Variants in NFIA observed in about 807,000 individuals in gnomAD.
NFIA encodes nuclear factor I A.
A neutral mutation model predicts 62.8 loss-of-function variants in NFIA; 8 were observed. The observed-to-expected ratio is 0.13, with a 90% CI of 0.07 to 0.23. The LOEUF is 0.23. Among genes scored for constraint, NFIA ranks in the 10% least tolerant of loss-of-function variants. The pLI is 1.00. For missense variants in NFIA, 410 were observed against 642.1 expected (o/e 0.64, Z 3.91); for synonymous variants, 235 against 238.1 (o/e 0.99, Z 0.12).
chr1:61,093,349 A>C (rs1646353617), intron 2 of NFIA, among the ~76,000 whole-genome samples: 1 of 152,136 alleles, frequency 6.6e-6, no homozygotes. Flanking sequence ...TATACACAAT[A>C]TACACAATAT....
At chr1:61,392,813 A>G (rs1665047799) in intron 7 of NFIA, among the ~76,000 whole-genome samples, 1 of 152,218 alleles carries the variant, frequency 6.6e-6, no homozygotes, top group African/African-American at 2.4e-5. Flanking sequence ...AGTGCTGAAG[A>G]GAATAGGGTG....
At chr1:61,193,704 A>C (rs928677800) in intron 2 of NFIA, among the ~76,000 whole-genome samples, 1 of 152,236 alleles carries the variant, frequency 6.6e-6, no homozygotes, top group Admixed American at 6.5e-5. Flanking sequence ...TTTGCAGAAC[A>C]AGCTGCAAAA....
chr1:61,309,867 T>C (rs376909639), intron 3 of NFIA, among the ~76,000 whole-genome samples: 106 of 152,288 alleles, frequency 7.0e-4, no homozygotes, highest in Middle Eastern at 3.4e-3. Flanking sequence ...CCAGCCTGGG[T>C]GACAGAGTGA....
intron 9 of NFIA, among the ~76,000 whole-genome samples, chr1:61,422,438 TCAAAA>T (rs1252343457): frequency 6.6e-6 from 1 of 152,092 alleles, no homozygotes; most frequent in African/African-American, 2.4e-5. Context: ...TATTACAAAC[TCAAAA>T]CTAATTCATC....
At chr1:61,184,163 CAA>C (rs1650972623) in intron 2 of NFIA, among the ~76,000 whole-genome samples, 4 of 117,128 alleles carry the variant, frequency 3.4e-5, no homozygotes, top group South Asian at 3.1e-4. Flanking sequence ...CAAAACAAAA[CAA>C]AAAACAAAAA....
intron 2 of NFIA, among the ~76,000 whole-genome samples, chr1:61,247,392 G>C (rs893134968): frequency 2.6e-5 from 4 of 152,180 alleles, no homozygotes; most frequent in African/African-American, 9.7e-5. Context: ...CCGGTTCTTC[G>C]TATAGGGAGC....
In NFIA at chr1:61,303,585, A is replaced by G. The variant is rs533157785; in HGVS notation, c.625+26000A>G. 3.9e-5 allele frequency among the ~76,000 whole-genome samples: 6 copies of G among 152,352 alleles called. No individual in the cohort carries two copies. The South Asian group carries it at 1.2e-3, about 32-fold the overall frequency. On this transcript the variant is annotated intron_variant, in intron 3 of 10. Coordinates refer to ENST00000403491, the MANE Select transcript of NFIA (RefSeq NM_001134673.4). ...GAAGACTAGTGTGGATGGAATGAAG[A>G]CAGCAAGGTGAGCAGGAGAAAAGGA...
At position 61,375,882 on chromosome 1, in the gene NFIA, T is replaced by C. The variant is rs59243802; in HGVS notation, c.947-7355T>C. Reference sequence around the variant, plus strand: ...TGGAAGTTGACTACACCATTTCCCCTGTTTCTTCACTTCCCATTGATTTTA... The same window carrying C: ...TGGAAGTTGACTACACCATTTCCCCCGTTTCTTCACTTCCCATTGATTTTA... On this transcript the variant is annotated intron_variant, in intron 6 of 10. Transcript: ENST00000403491. 8.0e-3 allele frequency among the ~76,000 whole-genome samples: 1,215 copies of C among 152,320 alleles called. 20 individuals carry two copies. The highest frequency in any genetic ancestry group is 0.028 in the African/African-American group (1,146 of 41,562).
intron 2 of NFIA, among the ~76,000 whole-genome samples, chr1:61,133,958 C>G (rs186163679): frequency 1.1e-3 from 160 of 151,996 alleles, no homozygotes; most frequent in African/African-American, 3.8e-3. Flanking sequence ...CCCCATCTCT[C>G]TAACTAAAAA....
At chr1:61,416,082 G>C (rs1043629630) in intron 9 of NFIA, among the ~76,000 whole-genome samples, 2 of 152,144 alleles carry the variant, frequency 1.3e-5, no homozygotes, top group African/African-American at 4.8e-5. Context: ...TGCTGCATGG[G>C]AGAGGGGATG....
chr1:61,299,700 G>A (rs1376904813), intron 3 of NFIA, among the ~76,000 whole-genome samples: 1 of 152,100 alleles, frequency 6.6e-6, no homozygotes, highest in African/African-American at 2.4e-5. Context: ...TACACACGCT[G>A]TACTTATAAG....
intron 9 of NFIA, among the ~76,000 whole-genome samples, chr1:61,424,420 G>A (rs950409429): frequency 1.3e-5 from 2 of 152,014 alleles, no homozygotes; most frequent in Admixed American, 1.3e-4. Context: ...AGTATGGTAA[G>A]AATGTCATAG....
chr1:61,106,100 C>CATCCATCTATCTATCTATCT (rs374045804), intron 2 of NFIA, among the ~76,000 whole-genome samples: 1 of 149,156 alleles, frequency 6.7e-6, no homozygotes. Context: ...CTCTCTCATG[C>CATCCATCTATCTATCTATCT]ATCTATCTAT....
At chr1:61,143,865 G>A (rs373106420) in intron 2 of NFIA, among the ~76,000 whole-genome samples, 13 of 152,206 alleles carry the variant, frequency 8.5e-5, no homozygotes, top group Middle Eastern at 3.4e-3. Flanking sequence ...GTACCCATAC[G>A]TTGACATAAG....
intron 2 of NFIA, among the ~76,000 whole-genome samples, chr1:61,188,958 G>T (rs771962821): frequency 3.9e-5 from 6 of 152,134 alleles, no homozygotes; most frequent in Non-Finnish European, 8.8e-5. Context: ...CATTTAATAG[G>T]CTTACTGTGA....
rs201165663 is a variant in NFIA at position 61,203,960 on chromosome 1, AGGTG to A, written c.560-73559_560-73556del. On this transcript the variant is annotated intron_variant, in intron 2 of 10. Coordinates refer to ENST00000403491, the MANE Select transcript of NFIA (RefSeq NM_001134673.4). ...ACCCCATATTTCAGGGCAGATATTT[AGGTG>A]TGTGTATGAGCTGTAGTTGGTGAAT... Among the ~76,000 whole-genome samples, 7 of 152,172 alleles carry A rather than the reference AGGTG, an allele frequency of 4.6e-5. No individual in the cohort carries two copies. The South Asian group carries it at 1.4e-3, about 32-fold the overall frequency.
intron 3 of NFIA, among the ~76,000 whole-genome samples, chr1:61,285,455 C>T (rs778488932): frequency 2.0e-5 from 3 of 152,136 alleles, no homozygotes; most frequent in Non-Finnish European, 2.9e-5. Flanking sequence ...ATGTAATATA[C>T]ATAATGTATT....
chr1:61,100,136 T>C (rs537583789), intron 2 of NFIA, among the ~76,000 whole-genome samples: 20 of 152,232 alleles, frequency 1.3e-4, no homozygotes, highest in Admixed American at 2.0e-4. Flanking sequence ...GCTTTTTCTT[T>C]TCTGGTGTTA....
chr1:61,144,389 C>T (rs1647775472), intron 2 of NFIA, among the ~76,000 whole-genome samples: 1 of 152,164 alleles, frequency 6.6e-6, no homozygotes, highest in Non-Finnish European at 1.5e-5. Flanking sequence ...ACTTTGTCTC[C>T]TGATTCATTC....
Sources: allele counts gnomAD v4.1 joint callset (sites outside exome capture counted in the v4.1 genomes callset), GRCh38; gene constraint gnomAD v4.1.1; transcripts MANE v1.5; gene names NCBI Gene and HGNC (gene_info 2026-07-23, HGNC 2026-07-21).